The following CHL1 variants were observed in gnomAD, a reference collection of about 807,000 sequenced individuals.
CHL1 encodes the protein neural cell adhesion molecule L1-like protein.
In CHL1, 96 loss-of-function variants were observed where a neutral mutation model predicts 141.9. That is an observed-to-expected ratio of 0.68 (90% CI 0.57 to 0.80). CHL1 has a LOEUF of 0.80. Ranked by LOEUF, CHL1 falls within the 30% of genes least tolerant of loss-of-function variation. CHL1 has a pLI of 0.00. For missense variants in CHL1, 1,820 were observed against 1,457.2 expected (o/e 1.25, Z -4.05); for synonymous variants, 613 against 502.2 (o/e 1.22, Z -2.95).
chr3:278,549 G>GGCA (rs1696357625), intron 2 of CHL1, among the ~76,000 whole-genome samples: 1 of 152,264 alleles, frequency 6.6e-6, no homozygotes, highest in Non-Finnish European at 1.5e-5. Context: ...TGCAACATAT[G>GGCA]GCAGCACCTG....
rs1374628398 is a variant in CHL1, at chr3:344,818, TA to T, written c.848+116del. 6.1e-6 allele frequency: 7 copies of T among 1,147,786 alleles called. No homozygotes were observed. The Admixed American group carries it at 1.0e-4, about 16-fold the overall frequency. The allele number at this position is 1,147,786 out of a possible 1,614,324, so 71.1% of individuals were successfully genotyped here. On this transcript the variant is annotated intron_variant, in intron 9 of 27. Transcript: ENST00000256509. ...CAAAGATATTTTAAAATTATTTCCT[TA>T]AAAAAATTAAATTCTGCCGGGCACT... is the stretch of plus-strand genomic sequence containing the variant.
chr3:251,140 G>A (rs1237444405), intron 2 of CHL1, among the ~76,000 whole-genome samples: 1 of 151,882 alleles, frequency 6.6e-6, no homozygotes, highest in East Asian at 1.9e-4. Context: ...CCTGATCAGA[G>A]TTGAGAAGTA....
chr3:265,501 C>A (rs1462660574), intron 2 of CHL1, among the ~76,000 whole-genome samples: 6 of 152,186 alleles, frequency 3.9e-5, no homozygotes, highest in East Asian at 3.8e-4. Context: ...TTCACACTAA[C>A]CTTTTAGTCA....
intron 11 of CHL1, among the ~76,000 whole-genome samples, chr3:357,590 A>G (rs1327064556): frequency 1.3e-5 from 2 of 152,194 alleles, no homozygotes; most frequent in Non-Finnish European, 2.9e-5. Flanking sequence ...ATTTTATTGC[A>G]TGATTTCTCA....
At chr3:330,373 A>G (rs1389233056) in intron 5 of CHL1, among the ~76,000 whole-genome samples, 1 of 152,158 alleles carries the variant, frequency 6.6e-6, no homozygotes, top group Non-Finnish European at 1.5e-5. Flanking sequence ...AAGACATATT[A>G]GAAAAACATA....
intron 1 of CHL1, among the ~76,000 whole-genome samples, chr3:228,024 T>A (rs1701516558): frequency 1.3e-5 from 2 of 152,160 alleles, no homozygotes; most frequent in South Asian, 4.1e-4. Flanking sequence ...CATCACCCAT[T>A]CATCTACTCA....
intron 2 of CHL1, among the ~76,000 whole-genome samples, chr3:281,875 T>C (rs540816513): frequency 6.6e-6 from 1 of 152,298 alleles, no homozygotes; most frequent in East Asian, 1.9e-4. Context: ...CTTTTTCCTA[T>C]ATTTTTGCTT....
At chr3:347,073 G>C (rs942298892) in intron 9 of CHL1, among the ~76,000 whole-genome samples, 2 of 152,024 alleles carry the variant, frequency 1.3e-5, no homozygotes, top group African/African-American at 4.8e-5. Context: ...TTAGATTTAA[G>C]GGATATTTAC....
intron 2 of CHL1, among the ~76,000 whole-genome samples, chr3:281,293 C>T (rs1288648718): frequency 6.6e-6 from 1 of 152,102 alleles, no homozygotes; most frequent in Non-Finnish European, 1.5e-5. Flanking sequence ...ACAAATTTGC[C>T]CACAAACTTG....
intron 23 of CHL1, 87 bp downstream of exon 23, chr3:391,884 T>C: frequency 1.8e-6 from 2 of 1,084,788 alleles, no homozygotes; most frequent in Non-Finnish European, 2.6e-6. Context: ...AGTCTAATGA[T>C]CACTTAAGGC....
At chr3:260,031 G>A (rs1207622403) in intron 2 of CHL1, among the ~76,000 whole-genome samples, 9 of 152,160 alleles carry the variant, frequency 5.9e-5, no homozygotes, top group African/African-American at 1.4e-4. Context: ...CTAGGAGGCC[G>A]AGGCAGGCCT....
At chr3:328,138 G>T in intron 4 of CHL1, 29 bp from the exon 5 acceptor site, 5 of 1,550,758 alleles carry the variant, frequency 3.2e-6, no homozygotes, top group Non-Finnish European at 4.4e-6. Flanking sequence ...TTATTTTTCA[G>T]GATTATTAAG....
intron 1 of CHL1, among the ~76,000 whole-genome samples, chr3:240,537 C>T (rs974570692): frequency 6.6e-6 from 1 of 152,150 alleles, no homozygotes; most frequent in Admixed American, 6.5e-5. Flanking sequence ...GATTTTCTCC[C>T]ACTCTGTGGG....
chr3:377,027 G>A (rs1575216067), intron 15 of CHL1, among the ~76,000 whole-genome samples: 1 of 152,162 alleles, frequency 6.6e-6, no homozygotes, highest in East Asian at 1.9e-4. Flanking sequence ...CTCCTCACAA[G>A]GATGACACTA....
In CHL1 at chr3:358,803, G is replaced by C. The variant is rs535040699; in HGVS notation, c.1166-1481G>C. 3.3e-5 allele frequency among the ~76,000 whole-genome samples: 5 copies of C among 151,858 alleles called. No individual in the cohort carries two copies. The South Asian group carries it at 1.0e-3, about 32-fold the overall frequency. On this transcript the variant is annotated intron_variant, in intron 11 of 27. Transcript: ENST00000256509. ...CATGTTTTCTAGAACCTAAAGCTTA[G>C]TATAGTCATTATCTCGTATAATGGA...
chr3:315,653 G>A lies in CHL1; in HGVS notation c.-94-4030G>A, dbSNP rs924405464. Among the ~76,000 whole-genome samples, 8 of 151,930 alleles carry A rather than the reference G, an allele frequency of 5.3e-5. No individual in the cohort carries two copies. The South Asian group carries it at 6.2e-4, about 12-fold the overall frequency. On this transcript the variant is annotated intron_variant, in intron 2 of 27. Coordinates refer to ENST00000256509, the MANE Select transcript of CHL1 (RefSeq NM_006614.4). ...GGAAGTTGCCCTAGGAGGTACGCAC[G>A]CTTGTCCATGTTAAACTAATGTCTT...
chr3:272,314 T>C (rs1695705223), intron 2 of CHL1, among the ~76,000 whole-genome samples: 1 of 152,208 alleles, frequency 6.6e-6, no homozygotes, highest in South Asian at 2.1e-4. Context: ...TTTTTTGTAT[T>C]CCTGTCATTA....
At chr3:303,255 G>A (rs1698920229) in intron 2 of CHL1, among the ~76,000 whole-genome samples, 1 of 152,120 alleles carries the variant, frequency 6.6e-6, no homozygotes, top group African/African-American at 2.4e-5. Flanking sequence ...GAAGTTTAAA[G>A]TAATTTTTTT....
rs762038754 is a variant in CHL1, at chr3:344,586, T to C, written c.728-3T>C. The C allele has an allele frequency of 1.4e-5, 22 of 1,606,258 alleles. No homozygotes were observed. Among genetic ancestry groups the C allele is most frequent in the Non-Finnish European group, 1.0e-5 (12 of 1,176,990 alleles). On this transcript the variant is annotated splice_polypyrimidine_tract_variant and splice_region_variant and intron_variant, in intron 8 of 27. Coordinates refer to ENST00000256509, the MANE Select transcript of CHL1 (RefSeq NM_006614.4). ...ATTCTGACTTTTCTTTTCTATTTTG[T>C]AGCAAATTCCATCAAGCAAAGAAAA...
Sources: gnomAD v4.1 joint callset for allele counts (sites outside exome capture counted in the v4.1 genomes callset) on GRCh38, gnomAD v4.1.1 for gene constraint, MANE v1.5 for transcripts, NCBI Gene and HGNC (gene_info 2026-07-23, HGNC 2026-07-21) for gene names.